Variants in GABRB1 observed in about 807,000 individuals in gnomAD.
GABRB1 encodes gamma-aminobutyric acid type A receptor subunit beta1, also known as gamma-aminobutyric acid receptor subunit beta-1.
In GABRB1, 17 loss-of-function variants were observed where a neutral mutation model predicts 51.6. The observed-to-expected ratio is 0.33, with a 90% CI of 0.23 to 0.49. The LOEUF is 0.49. Among genes scored for constraint, GABRB1 ranks in the 20% least tolerant of loss-of-function variants. GABRB1 has a pLI of 0.99. For synonymous variants in GABRB1, 247 were observed against 218.9 expected (o/e 1.13, Z -1.14); for missense variants, 410 against 600.6 (o/e 0.68, Z 3.32).
intron 5 of GABRB1, among the ~76,000 whole-genome samples, chr4:47,381,580 C>A (rs987779947): frequency 6.6e-6 from 1 of 152,212 alleles, no homozygotes; most frequent in Non-Finnish European, 1.5e-5. Flanking sequence ...TCCATTCTCC[C>A]AAACAGTGGA....
intron 4 of GABRB1, among the ~76,000 whole-genome samples, chr4:47,238,895 A>G (rs1721424553): frequency 6.6e-6 from 1 of 152,234 alleles, no homozygotes; most frequent in Non-Finnish European, 1.5e-5. Context: ...AACATGAGCT[A>G]AAGGATGAAA....
chr4:47,413,999 T>C (rs554439322), intron 8 of GABRB1, among the ~76,000 whole-genome samples: 53 of 152,320 alleles, frequency 3.5e-4, no homozygotes, highest in African/African-American at 1.2e-3. Context: ...CTGGGCCACT[T>C]TTATACGCAT....
intron 4 of GABRB1, among the ~76,000 whole-genome samples, chr4:47,227,865 C>T (rs540185717): frequency 1.3e-5 from 2 of 152,252 alleles, no homozygotes; most frequent in East Asian, 1.9e-4. Flanking sequence ...TGTTTCTTCA[C>T]GTAGTCATCC....
intron 4 of GABRB1, among the ~76,000 whole-genome samples, chr4:47,266,467 A>T (rs975693643): frequency 1.3e-5 from 2 of 152,112 alleles, no homozygotes; most frequent in African/African-American, 2.4e-5. Context: ...GAGAAATGGC[A>T]TCGGTATTTT....
chr4:47,091,822 C>T (rs570340601), intron 3 of GABRB1, among the ~76,000 whole-genome samples: 7 of 152,316 alleles, frequency 4.6e-5, no homozygotes, highest in African/African-American at 1.4e-4. Context: ...CACGCCTCTG[C>T]CCTGGCTTTC....
At chr4:47,326,150 A>T (rs748249780) in intron 5 of GABRB1, among the ~76,000 whole-genome samples, 3 of 152,178 alleles carry the variant, frequency 2.0e-5, no homozygotes, top group African/African-American at 7.2e-5. Context: ...CCACATGTAT[A>T]TGCTGTCTAT....
At chr4:47,087,011 A>C (rs1728106652) in intron 3 of GABRB1, among the ~76,000 whole-genome samples, 1 of 152,164 alleles carries the variant, frequency 6.6e-6, no homozygotes, top group South Asian at 2.1e-4. Flanking sequence ...GCTTTTTCCC[A>C]TTTCATGCCA....
At chr4:47,221,680 A>C (rs977501380) in intron 4 of GABRB1, among the ~76,000 whole-genome samples, 1 of 152,172 alleles carries the variant, frequency 6.6e-6, no homozygotes, top group Non-Finnish European at 1.5e-5. Flanking sequence ...GAAAAAATGC[A>C]GGGTGAGTAT....
At chr4:47,199,093 T>C (rs1719800035) in intron 4 of GABRB1, among the ~76,000 whole-genome samples, 1 of 152,112 alleles carries the variant, frequency 6.6e-6, no homozygotes, top group African/African-American at 2.4e-5. Context: ...CCATATCAAT[T>C]TCGAAGCAAC....
chr4:47,273,419 A>C (rs112540331), intron 4 of GABRB1, among the ~76,000 whole-genome samples: 160 of 152,294 alleles, frequency 1.1e-3, no homozygotes, highest in African/African-American at 3.5e-3. Context: ...GCAACACATA[A>C]GGAAAGTAAA....
At chr4:47,225,026 C>T (rs574611172) in intron 4 of GABRB1, among the ~76,000 whole-genome samples, 2 of 152,252 alleles carry the variant, frequency 1.3e-5, no homozygotes, top group Non-Finnish European at 2.9e-5. Context: ...TCCCGAGTAG[C>T]TGGGATTACA....
At chr4:47,170,427 GCACA>G (rs1261606563) in intron 4 of GABRB1, among the ~76,000 whole-genome samples, 2 of 149,158 alleles carry the variant, frequency 1.3e-5, no homozygotes, top group African/African-American at 4.9e-5. Flanking sequence ...ACGCACACAC[GCACA>G]CACACACATT....
chr4:47,299,238 T>A (rs1159807558), intron 4 of GABRB1, among the ~76,000 whole-genome samples: 1 of 152,008 alleles, frequency 6.6e-6, no homozygotes, highest in Non-Finnish European at 1.5e-5. Flanking sequence ...AATTGACAAA[T>A]GGGATCTCAT....
At chr4:47,128,073 G>A (rs1716243528) in intron 3 of GABRB1, among the ~76,000 whole-genome samples, 1 of 151,654 alleles carries the variant, frequency 6.6e-6, no homozygotes, top group Admixed American at 6.6e-5. Flanking sequence ...GGCAGAGGGT[G>A]TCTGAATAAT....
intron 3 of GABRB1, among the ~76,000 whole-genome samples, chr4:47,050,640 G>A (rs561179340): frequency 6.6e-6 from 1 of 152,230 alleles, no homozygotes; most frequent in South Asian, 2.1e-4. Context: ...GCTATAAGTA[G>A]ACATTCAACA....
At chr4:47,235,490 A>C (rs1381960304) in intron 4 of GABRB1, among the ~76,000 whole-genome samples, 1 of 151,966 alleles carries the variant, frequency 6.6e-6, no homozygotes, top group Non-Finnish European at 1.5e-5. Flanking sequence ...CAGACGTTGC[A>C]GTGAGCCGAG....
chr4:47,406,783 T>C lies in GABRB1; in HGVS notation c.937T>C (p.Cys313Arg). The C allele has an allele frequency of 6.2e-7, 1 of 1,614,214 alleles. No individual in the cohort carries two copies. Among genetic ancestry groups the C allele is most frequent in the Non-Finnish European group, 8.5e-7 (1 of 1,180,030 alleles). Residue 313 changes from cysteine (C) to arginine (R), a missense_variant, in exon 8 of 9, where the codon TGC becomes CGC. Coordinates refer to ENST00000295454, the MANE Select transcript of GABRB1 (RefSeq NM_000812.4). ...VKAIDIYLMG[C>R]FVFVFLALLE... is the part of the protein sequence containing the mutation. Reference sequence around the variant, plus strand: ...AGCGATTGATATTTATCTGATGGGTTGCTTTGTGTTTGTGTTCCTGGCTCT... The same window carrying C: ...AGCGATTGATATTTATCTGATGGGTCGCTTTGTGTTTGTGTTCCTGGCTCT...
intron 4 of GABRB1, among the ~76,000 whole-genome samples, chr4:47,258,047 A>G (rs1165122848): frequency 3.3e-5 from 5 of 152,202 alleles, no homozygotes; most frequent in Admixed American, 1.3e-4. Flanking sequence ...GTGTAAAAAT[A>G]GAGTTCAGGT....
chr4:47,111,686 A>G (rs1715216438), intron 3 of GABRB1, among the ~76,000 whole-genome samples: 1 of 151,978 alleles, frequency 6.6e-6, no homozygotes, highest in South Asian at 2.1e-4. Context: ...AAACATGGCA[A>G]AACCTCATCT....
Sources: gnomAD v4.1 joint callset for allele counts (sites outside exome capture counted in the v4.1 genomes callset) on GRCh38, gnomAD v4.1.1 for gene constraint, MANE v1.5 for transcripts, NCBI Gene and HGNC (gene_info 2026-07-23, HGNC 2026-07-21) for gene names.